STAU2: variants seen among roughly 807,000 people sequenced by gnomAD.
STAU2 encodes double-stranded RNA-binding protein Staufen homolog 2.
A neutral mutation model predicts 65.9 loss-of-function variants in STAU2; 20 were observed. The observed-to-expected ratio is 0.30, with a 90% CI of 0.21 to 0.44. The LOEUF (loss-of-function observed/expected upper bound fraction) is 0.44. Ranked by LOEUF, STAU2 falls within the 20% of genes least tolerant of loss-of-function variation. STAU2 has a pLI of 1.00. For synonymous variants in STAU2, 232 were observed against 233.9 expected (o/e 0.99, Z 0.07); for missense variants, 558 against 683.9 (o/e 0.82, Z 2.05).
intron 6 of STAU2, among the ~76,000 whole-genome samples, chr8:73,660,639 T>C (rs573544741): frequency 6.6e-6 from 1 of 152,342 alleles, no homozygotes; most frequent in Admixed American, 6.5e-5. Context: ...GCTATCAAGC[T>C]AGACAAGGCA....
chr8:73,735,111 TG>T (rs1806342350), intron 3 of STAU2, among the ~76,000 whole-genome samples: 1 of 152,178 alleles, frequency 6.6e-6, no homozygotes, highest in Non-Finnish European at 1.5e-5. Context: ...TTTTATTTTT[TG>T]TAGAGACAGG....
chr8:73,688,253 T>G (rs1287412695), intron 5 of STAU2, among the ~76,000 whole-genome samples: 1 of 151,142 alleles, frequency 6.6e-6, no homozygotes, highest in Non-Finnish European at 1.5e-5. Context: ...CTTGGCTCAC[T>G]GCAACCTCCA....
chr8:73,616,966 C>T (rs998883892), intron 7 of STAU2, among the ~76,000 whole-genome samples: 1 of 152,192 alleles, frequency 6.6e-6, no homozygotes, highest in Non-Finnish European at 1.5e-5. Context: ...TCCATAAAAT[C>T]TCTTCCACTT....
intron 6 of STAU2, among the ~76,000 whole-genome samples, chr8:73,629,358 A>T (rs1307096858): frequency 1.3e-5 from 2 of 152,362 alleles, no homozygotes; most frequent in East Asian, 3.9e-4. Flanking sequence ...TTATAATTAA[A>T]AATCTAAACA....
At chr8:73,745,092 G>A (rs1019235304) in intron 1 of STAU2, among the ~76,000 whole-genome samples, 2 of 152,150 alleles carry the variant, frequency 1.3e-5, no homozygotes, top group Non-Finnish European at 2.9e-5. Context: ...TTTCAGACTA[G>A]CCTACCATAT....
At chr8:73,694,974 A>T (rs1819604581) in intron 4 of STAU2, among the ~76,000 whole-genome samples, 1 of 152,194 alleles carries the variant, frequency 6.6e-6, no homozygotes, top group Non-Finnish European at 1.5e-5. Context: ...TCTTGGCAAG[A>T]CTTGCCACCA....
At chr8:73,742,937 C>G (rs957892643) in intron 1 of STAU2, among the ~76,000 whole-genome samples, 3 of 152,040 alleles carry the variant, frequency 2.0e-5, no homozygotes, top group Non-Finnish European at 2.9e-5. Context: ...ATATCAGCAC[C>G]CATCCTACAG....
At position 73,590,225 on chromosome 8, in the gene STAU2, G is replaced by A. The variant is rs190315489; in HGVS notation, c.1161+4941C>T. Among the ~76,000 whole-genome samples the A allele has an allele frequency of 7.8e-3, 1,059 of 136,494 alleles. 12 individuals are homozygous for A. Among genetic ancestry groups the A allele is most frequent in the Non-Finnish European group, 0.012 (764 of 63,546 alleles). The allele number at this position is 136,494 out of a possible 152,430, so 89.5% of individuals were successfully genotyped here. On this transcript the variant is annotated intron_variant, in intron 11 of 14. Transcript: ENST00000524300. ...AAAATAGAAAGAAGGGAGGAAGAAG[G>A]GTGGGAAAAGAGTACAGGGGCAGAG...
intron 6 of STAU2, among the ~76,000 whole-genome samples, chr8:73,644,182 T>A (rs967307836): frequency 6.6e-6 from 1 of 152,092 alleles, no homozygotes; most frequent in Non-Finnish European, 1.5e-5. Flanking sequence ...TCTAAAATAA[T>A]CCAGGGGTCA....
At chr8:73,502,635 G>A (rs1385724705) in intron 13 of STAU2, among the ~76,000 whole-genome samples, 1 of 151,998 alleles carries the variant, frequency 6.6e-6, no homozygotes, top group African/African-American at 2.4e-5. Context: ...GGGAGCTCTG[G>A]TTCATCCTTC....
intron 13 of STAU2, among the ~76,000 whole-genome samples, chr8:73,545,074 C>T (rs559558511): frequency 2.6e-5 from 4 of 152,252 alleles, no homozygotes; most frequent in Non-Finnish European, 5.9e-5. Context: ...CAATGTTCAA[C>T]GGGATGGCAT....
rs185640877 is a variant in STAU2, at chr8:73,550,299, C to T, written c.1530+1713G>A. On this transcript the variant is annotated intron_variant, in intron 13 of 14. Transcript: ENST00000524300. ...CTTAGCAATGCAATAATGAGGGAAG[C>T]AGACTCTACATGTTGACTACAGTGA... 1.8e-5 allele frequency: 18 copies of T among 983,680 alleles called. No individual in the cohort carries two copies. In the African/African-American group the frequency reaches 3.1e-4, roughly 17 times the overall value. The allele number at this position is 983,680 out of a possible 1,614,324, so 60.9% of individuals were successfully genotyped here. A position where few individuals can be genotyped will look rare whatever the true frequency, so the allele number is the denominator to read the frequency against.
At chr8:73,705,857 T>C (rs1391669390) in intron 4 of STAU2, among the ~76,000 whole-genome samples, 2 of 152,206 alleles carry the variant, frequency 1.3e-5, no homozygotes, top group Admixed American at 1.3e-4. Context: ...GACAATTCCA[T>C]ACCATACTGA....
intron 12 of STAU2, among the ~76,000 whole-genome samples, chr8:73,570,798 C>T (rs1393162819): frequency 1.3e-5 from 2 of 152,160 alleles, no homozygotes; most frequent in African/African-American, 4.8e-5. Flanking sequence ...CCAATATTCA[C>T]CATTCTTAAA....
intron 13 of STAU2, among the ~76,000 whole-genome samples, chr8:73,481,530 A>G (rs1021229779): frequency 1.6e-3 from 228 of 146,954 alleles, no homozygotes; most frequent in African/African-American, 5.6e-3. Flanking sequence ...AAAAAAAAAC[A>G]CTTTTTTTGA....
chr8:73,738,095 CAGA>C (rs1806572150), intron 3 of STAU2, among the ~76,000 whole-genome samples, 186 bp downstream of exon 3: 1 of 152,120 alleles, frequency 6.6e-6, no homozygotes, highest in Non-Finnish European at 1.5e-5. Flanking sequence ...TATCAACTTT[CAGA>C]AGATCATTCT....
chr8:73,514,037 T>C (rs1417963150), intron 13 of STAU2, among the ~76,000 whole-genome samples: 2 of 152,252 alleles, frequency 1.3e-5, no homozygotes, highest in East Asian at 1.9e-4. Context: ...AGTTGCTGTT[T>C]TTGACAATTT....
chr8:73,646,938 G>GACACACACACACAC lies in STAU2; in HGVS notation c.410+26155_410+26168dup, dbSNP rs142043134. On this transcript the variant is annotated intron_variant, in intron 6 of 14. Coordinates refer to ENST00000524300, the MANE Select transcript of STAU2 (RefSeq NM_001164380.2). ...ATATTTCACCAAAGACACACAGCCAGACACACACACACACACACACACACA... is the reference window on the plus strand; with the variant it reads ...ATATTTCACCAAAGACACACAGCCAGACACACACACACACACACACACACACACACACACACACA... Among the ~76,000 whole-genome samples the GACACACACACACAC allele has an allele frequency of 5.4e-3, 785 of 144,046 alleles. 7 individuals are homozygous for GACACACACACACAC. Among genetic ancestry groups the GACACACACACACAC allele is most frequent in the South Asian group, 0.027 (117 of 4,392 alleles). 94.5% of individuals were successfully genotyped at this position (144,046 alleles called of 152,430 possible).
rs77593471 is a variant in STAU2 at position 73,600,739 on chromosome 8, C to T, written c.1029+2987G>A. On this transcript the variant is annotated intron_variant, in intron 10 of 14. Coordinates refer to ENST00000524300, the MANE Select transcript of STAU2 (RefSeq NM_001164380.2). The stretch of plus-strand genomic sequence containing the variant: ...CATTCCTGTATTCACCTTGTCTCTC[C>T]GTCTGCTAGATTTCCATCTGGCCTA... Among the ~76,000 whole-genome samples the T allele has an allele frequency of 7.2e-5, 11 of 152,170 alleles. No homozygotes were observed. The East Asian group carries it at 1.5e-3, about 21-fold the overall frequency.
Sources: allele counts gnomAD v4.1 joint callset (sites outside exome capture counted in the v4.1 genomes callset), GRCh38; gene constraint gnomAD v4.1.1; transcripts MANE v1.5; gene names NCBI Gene and HGNC (gene_info 2026-07-23, HGNC 2026-07-21).